The following KCNG2 variants were observed in gnomAD, a reference collection of about 807,000 sequenced individuals.
KCNG2 encodes potassium voltage-gated channel modifier subfamily G member 2.
Under a neutral mutation model 12.3 loss-of-function variants are expected in KCNG2, and 7 were observed. The ratio of observed to expected loss-of-function variants is 0.57; its 90% CI spans 0.32 to 1.07. The LOEUF (loss-of-function observed/expected upper bound fraction) is 1.07. Ranked by LOEUF, KCNG2 falls within the 50% of genes least tolerant of loss-of-function variation. The probability of loss-of-function intolerance (pLI) is 0.04; values close to 1 mark genes in which losing one functional copy is unlikely to be tolerated. For missense variants in KCNG2, 703 were observed against 726.0 expected (o/e 0.97, Z 0.36); for synonymous variants, 414 against 351.4 (o/e 1.18, Z -1.99).
intron 3 of KCNG2, among the ~76,000 whole-genome samples, chr18:79,868,114 A>G (rs1979683364): frequency 6.6e-6 from 1 of 152,178 alleles, no homozygotes; most frequent in African/African-American, 2.4e-5. Context: ...GGGAAAATTC[A>G]TTTGTGTCAC....
intron 3 of KCNG2, 125 bp downstream of exon 3, chr18:79,864,416 G>C (rs1388230487): frequency 3.4e-6 from 3 of 881,584 alleles, no homozygotes; most frequent in South Asian, 7.6e-5. Context: ...GGACCGGGCT[G>C]GGGGCTGCCG....
At chr18:79,832,932 G>T (rs373839387) in intron 1 of KCNG2, among the ~76,000 whole-genome samples, 1 of 152,298 alleles carries the variant, frequency 6.6e-6, no homozygotes, top group Non-Finnish European at 1.5e-5. Flanking sequence ...CGGCTGGGAC[G>T]TCCTTGCTGT....
In KCNG2 at chr18:79,861,531, G is replaced by A. The variant is rs887729043; in HGVS notation, c.-40-2097G>A. Among the ~76,000 whole-genome samples the A allele has an allele frequency of 3.3e-5, 5 of 152,144 alleles. No individual in the cohort carries two copies. In the South Asian group the frequency reaches 6.2e-4, roughly 19 times the overall value. ...TGACCTCAGAGGATCCACCTGCCTC[G>A]GCCTCCCAAAGTGCTGGGATTACAG... On this transcript the variant is annotated intron_variant, in intron 2 of 3. Coordinates refer to ENST00000316249, the MANE Select transcript of KCNG2 (RefSeq NM_012283.2).
chr18:79,838,692 T>G (rs1483187663), intron 1 of KCNG2, among the ~76,000 whole-genome samples: 3 of 152,184 alleles, frequency 2.0e-5, no homozygotes, highest in Non-Finnish European at 4.4e-5. Flanking sequence ...ATTACAGGCA[T>G]GAGCCACCTC....
intron 2 of KCNG2, among the ~76,000 whole-genome samples, chr18:79,860,641 T>C (rs542739280): frequency 1.3e-5 from 2 of 150,790 alleles, no homozygotes; most frequent in South Asian, 2.2e-4. Flanking sequence ...CTTGCAACTT[T>C]GCTGAACCCA....
At chr18:79,870,348 G>A (rs1979782190) in intron 3 of KCNG2, among the ~76,000 whole-genome samples, 1 of 152,212 alleles carries the variant, frequency 6.6e-6, no homozygotes, top group Admixed American at 6.5e-5. Flanking sequence ...GTGGTTTTGG[G>A]GTCCCGTGGG....
intron 1 of KCNG2, among the ~76,000 whole-genome samples, chr18:79,828,661 G>C (rs1218450650): frequency 6.6e-6 from 1 of 152,000 alleles, no homozygotes; most frequent in African/African-American, 2.4e-5. Context: ...GTGTGTGCCT[G>C]TGTGTGCATG....
chr18:79,844,719 T>TG (rs1158315969), intron 1 of KCNG2, among the ~76,000 whole-genome samples: 2 of 152,194 alleles, frequency 1.3e-5, no homozygotes, highest in African/African-American at 4.8e-5. Context: ...CACACAGCTA[T>TG]GAGAATGCCT....
At chr18:79,878,106 A>G (rs1980147679) in intron 3 of KCNG2, among the ~76,000 whole-genome samples, 1 of 152,256 alleles carries the variant, frequency 6.6e-6, no homozygotes, top group Non-Finnish European at 1.5e-5. Context: ...TGGGAGGAAA[A>G]GCTGAACCCT....
intron 1 of KCNG2, among the ~76,000 whole-genome samples, chr18:79,839,400 C>A (rs1306060590): frequency 6.6e-6 from 1 of 152,206 alleles, no homozygotes; most frequent in Non-Finnish European, 1.5e-5. Context: ...TAACTGCATA[C>A]CCTGTAGACA....
chr18:79,800,740 C>G lies in KCNG2; in HGVS notation c.-115+2726C>G, dbSNP rs547723900. Among the ~76,000 whole-genome samples the G allele has an allele frequency of 2.0e-5, 3 of 152,316 alleles. No individual in the cohort carries two copies. In the East Asian group the frequency reaches 5.8e-4, roughly 29 times the overall value. On this transcript the variant is annotated intron_variant, in intron 1 of 3. Transcript: ENST00000316249. The surrounding 1 kb of genome is among the most constrained non-coding windows in gnomAD (Gnocchi z 4.0). ...GGCTGGTGCCTATGGTTGCAGTCGG[C>G]CTGGCGTGTCCTGCGGGCACCCGCA...
intron 3 of KCNG2, among the ~76,000 whole-genome samples, chr18:79,882,498 AAAT>A (rs929855698): frequency 2.0e-5 from 3 of 152,272 alleles, no homozygotes; most frequent in Non-Finnish European, 4.4e-5. Flanking sequence ...AACTGTAAGA[AAAT>A]AACCTGATTT....
chr18:79,857,536 C>T (rs755235590), intron 2 of KCNG2, among the ~76,000 whole-genome samples: 2 of 151,868 alleles, frequency 1.3e-5, no homozygotes, highest in African/African-American at 4.8e-5. Flanking sequence ...GGGCAGTCTG[C>T]GAGCTACACT....
At position 79,884,398 on chromosome 18, in the gene KCNG2, C is replaced by T. The variant is rs1335137232; in HGVS notation, c.625-14642C>T. On this transcript the variant is annotated intron_variant, in intron 3 of 3. Coordinates refer to ENST00000316249, the MANE Select transcript of KCNG2 (RefSeq NM_012283.2). This position sits in a 1 kb window ranked among gnomAD's most constrained non-coding sequence, Gnocchi z 5.5. Reference sequence around the variant, plus strand: ...CCACCACTGCTGGATTCCCGTCCTCCGGTGAGGGCGCCTCTGCTCAACCCC... The same window carrying T: ...CCACCACTGCTGGATTCCCGTCCTCTGGTGAGGGCGCCTCTGCTCAACCCC... 6.6e-6 allele frequency among the ~76,000 whole-genome samples: 1 copy of T among 152,208 alleles called. No individual in the cohort carries two copies. The highest frequency in any genetic ancestry group is 1.5e-5 in the Non-Finnish European group (1 of 68,030).
chr18:79,876,990 A>C (rs759915475), intron 3 of KCNG2, among the ~76,000 whole-genome samples: 11 of 152,234 alleles, frequency 7.2e-5, no homozygotes, highest in Admixed American at 6.5e-5. Flanking sequence ...CAGGGTGCGC[A>C]GGAAATCGAA....
At chr18:79,891,528 C>A (rs1393870379) in intron 3 of KCNG2, among the ~76,000 whole-genome samples, 1 of 152,176 alleles carries the variant, frequency 6.6e-6, no homozygotes, top group Non-Finnish European at 1.5e-5. Context: ...ACCACGCTGG[C>A]CCTCTAAGCA....
intron 3 of KCNG2, among the ~76,000 whole-genome samples, chr18:79,889,820 G>A (rs1209301767): frequency 6.6e-6 from 1 of 152,244 alleles, no homozygotes; most frequent in Non-Finnish European, 1.5e-5. Context: ...GTTCCTGAAC[G>A]GAGGGAGCAC....
At chr18:79,873,908 G>A (rs535941099) in intron 3 of KCNG2, among the ~76,000 whole-genome samples, 1 of 152,232 alleles carries the variant, frequency 6.6e-6, no homozygotes, top group African/African-American at 2.4e-5. Flanking sequence ...GGACATCCTT[G>A]TCAGTGACAT....
intron 1 of KCNG2, among the ~76,000 whole-genome samples, chr18:79,848,024 G>A (rs918341559): frequency 1.3e-5 from 2 of 152,164 alleles, no homozygotes; most frequent in Admixed American, 6.5e-5. Flanking sequence ...GGGCAAACAG[G>A]GAGTGAGGGA....
Sources: allele counts gnomAD v4.1 joint callset (sites outside exome capture counted in the v4.1 genomes callset), GRCh38; gene constraint gnomAD v4.1.1; non-coding constraint Gnocchi (gnomAD v3.1); transcripts MANE v1.5; gene names NCBI Gene and HGNC (gene_info 2026-07-23, HGNC 2026-07-21).